OCA2: variants seen among roughly 807,000 people sequenced by gnomAD.
The protein encoded by OCA2 is P protein.
OCA2 carries 77 observed loss-of-function variants against 100.2 expected under a neutral mutation model. The ratio of observed to expected loss-of-function variants is 0.77; its 90% confidence interval spans 0.64 to 0.93. The LOEUF (loss-of-function observed/expected upper bound fraction) is 0.93. Among genes scored for constraint, OCA2 ranks in the 40% least tolerant of loss-of-function variants. The pLI is 0.00. For missense variants in OCA2, 1,062 were observed against 1,089.1 expected, an observed-to-expected ratio of 0.98 and a Z score of 0.35; for synonymous variants, 432 against 439.2, an observed-to-expected ratio of 0.98 and a Z score of 0.21.
chr15:27,877,458 T>C (rs911943088), intron 19 of OCA2, among the ~76,000 whole-genome samples: 6 of 151,996 alleles, frequency 3.9e-5, no homozygotes, highest in Admixed American at 6.6e-5. Context: ...GAATTGTCTA[T>C]TTTGTTTTAC....
chr15:27,917,704 T>G (rs2703942), intron 19 of OCA2, among the ~76,000 whole-genome samples: 8,236 of 152,100 alleles, frequency 0.054, 763 homozygotes, highest in African/African-American at 0.19. Context: ...TAAGGATGAG[T>G]GGGAGCAAAA....
intron 14 of OCA2, among the ~76,000 whole-genome samples, chr15:27,972,862 T>TTGTG (rs1567177266): frequency 5.5e-5 from 3 of 54,128 alleles, no homozygotes; most frequent in Admixed American, 1.8e-4. Flanking sequence ...TATTTTATTT[T>TTGTG]ATTTTATTTT....
At chr15:27,938,030 C>T (rs969042146) in intron 18 of OCA2, among the ~76,000 whole-genome samples, 1 of 152,166 alleles carries the variant, frequency 6.6e-6, no homozygotes, top group Non-Finnish European at 1.5e-5. Context: ...CTAGTGATTG[C>T]ATGTTATGCA....
At chr15:28,091,696 C>A (rs183061114) in intron 1 of OCA2, among the ~76,000 whole-genome samples, 157 of 152,366 alleles carry the variant, frequency 1.0e-3, no homozygotes, top group Admixed American at 2.2e-3. Context: ...TGGCTCACAT[C>A]TGTAATCCCA....
intron 18 of OCA2, among the ~76,000 whole-genome samples, chr15:27,929,559 T>G (rs1173593464): frequency 6.6e-6 from 1 of 151,830 alleles, no homozygotes; most frequent in Admixed American, 6.6e-5. Flanking sequence ...TAGGAAAAAA[T>G]CTCTGACCCT....
At chr15:27,909,661 T>C (rs1452331358) in intron 19 of OCA2, among the ~76,000 whole-genome samples, 1 of 152,130 alleles carries the variant, frequency 6.6e-6, no homozygotes. Context: ...AAGTGTCCAG[T>C]TTAATAAATG....
intron 19 of OCA2, among the ~76,000 whole-genome samples, chr15:27,907,565 AGTT>A (rs1380951616): frequency 1.3e-5 from 2 of 152,240 alleles, no homozygotes; most frequent in African/African-American, 4.8e-5. Flanking sequence ...ACCAACTCCC[AGTT>A]GTTGTTTTGA....
At chr15:27,951,961 A>G (rs2040045641) in intron 17 of OCA2, 69 bp from the exon 18 acceptor site, 2 of 1,047,536 alleles carry the variant, frequency 1.9e-6, no homozygotes, top group South Asian at 2.6e-5. Flanking sequence ...GTCATAACCT[A>G]CGCAACTGGA....
Position 27,990,664 on chromosome 15 carries a change from G to A in OCA2, c.1045-17C>T. 6.2e-7 allele frequency: 1 copy of A among 1,612,608 alleles called. No homozygotes were observed. Among genetic ancestry groups the A allele is most frequent in the Non-Finnish European group, 8.5e-7 (1 of 1,178,862 alleles). Reference sequence around the variant, plus strand: ...GTGCACGATCTGGAAAGAAGCACAGGAAATTACCGCGTTCCAGTGCACGAG... The same window carrying A: ...GTGCACGATCTGGAAAGAAGCACAGAAAATTACCGCGTTCCAGTGCACGAG... On this transcript the variant is annotated splice_polypyrimidine_tract_variant and intron_variant, in intron 9 of 23. Coordinates refer to ENST00000354638, the MANE Select transcript of OCA2 (RefSeq NM_000275.3).
At chr15:28,019,353 G>A (rs549546264) in intron 6 of OCA2, among the ~76,000 whole-genome samples, 2 of 95,014 alleles carry the variant, frequency 2.1e-5, no homozygotes, top group East Asian at 2.1e-4. Flanking sequence ...AGACAAGGAC[G>A]GCGCCCTTAA....
intron 1 of OCA2, among the ~76,000 whole-genome samples, chr15:28,098,145 C>T (rs977643141): frequency 3.3e-5 from 5 of 152,330 alleles, no homozygotes; most frequent in South Asian, 2.1e-4. Flanking sequence ...TGTAATGAAA[C>T]TTTAGGGACT....
intron 19 of OCA2, among the ~76,000 whole-genome samples, chr15:27,909,093 C>G (rs944094923): frequency 6.6e-6 from 1 of 152,056 alleles, no homozygotes; most frequent in East Asian, 1.9e-4. Flanking sequence ...AAACCAATGG[C>G]CTCTATATAC....
the OCA2 span, among the ~76,000 whole-genome samples, chr15:27,739,789 C>T: frequency 3.3e-5 from 5 of 152,104 alleles, no homozygotes; most frequent in African/African-American, 9.7e-5. Context: ...TACCTCCAAC[C>T]GGATCTACCT....
intron 18 of OCA2, among the ~76,000 whole-genome samples, chr15:27,927,669 C>G (rs1185293824): frequency 6.6e-6 from 1 of 152,074 alleles, no homozygotes; most frequent in East Asian, 1.9e-4. Flanking sequence ...AGTTCTTCCA[C>G]ATCTTCACCA....
chr15:27,827,921 A>G (rs2034796035), intron 23 of OCA2, among the ~76,000 whole-genome samples: 1 of 152,166 alleles, frequency 6.6e-6, no homozygotes. Flanking sequence ...AGACACTTGA[A>G]ATAAGGTCAC....
At chr15:27,724,795 C>G in the OCA2 span, among the ~76,000 whole-genome samples, 1 of 148,378 alleles carries the variant, frequency 6.7e-6, no homozygotes, top group Non-Finnish European at 1.5e-5. Context: ...CAAGAAAAAG[C>G]ACAATTCTGT....
At chr15:28,031,597 T>C (rs1397990268) in intron 3 of OCA2, among the ~76,000 whole-genome samples, 1 of 152,234 alleles carries the variant, frequency 6.6e-6, no homozygotes, top group East Asian at 1.9e-4. Flanking sequence ...GAAACACATA[T>C]ACAGGGTTTC....
intron 18 of OCA2, among the ~76,000 whole-genome samples, chr15:27,933,979 T>C (rs1293227169): frequency 6.6e-6 from 1 of 152,160 alleles, no homozygotes; most frequent in Non-Finnish European, 1.5e-5. Flanking sequence ...ATTTGATATA[T>C]ACATAACACA....
At chr15:28,084,704 G>A (rs970337839) in intron 1 of OCA2, among the ~76,000 whole-genome samples, 22 of 152,150 alleles carry the variant, frequency 1.4e-4, no homozygotes, top group Non-Finnish European at 1.8e-4. Flanking sequence ...CCATGTCCTC[G>A]TGGCTGCATG....
Sources: gnomAD v4.1 joint callset for allele counts (sites outside exome capture counted in the v4.1 genomes callset) on GRCh38, gnomAD v4.1.1 for gene constraint, MANE v1.5 for transcripts, NCBI Gene and HGNC (gene_info 2026-07-23, HGNC 2026-07-21) for gene names.